STK32B: variants seen among roughly 807,000 people sequenced by gnomAD.
STK32B encodes serine/threonine-protein kinase 32B.
In STK32B, 43 loss-of-function variants were observed where a neutral mutation model predicts 52.6. That is an observed-to-expected ratio of 0.82 (90% CI 0.64 to 1.05). The LOEUF (loss-of-function observed/expected upper bound fraction) is 1.05. Ranked by LOEUF, STK32B falls within the 50% of genes least tolerant of loss-of-function variation. The probability of loss-of-function intolerance (pLI) is 0.00; values close to 1 mark genes in which losing one functional copy is unlikely to be tolerated. For synonymous variants in STK32B, 238 were observed against 204.3 expected (o/e 1.17, Z -1.41); for missense variants, 621 against 534.6 (o/e 1.16, Z -1.59).
intron 4 of STK32B, among the ~76,000 whole-genome samples, chr4:5,360,585 A>C (rs896442551): frequency 1.3e-5 from 2 of 152,154 alleles, no homozygotes; most frequent in African/African-American, 4.8e-5. Flanking sequence ...GGTACACAGC[A>C]TGTTTTATGG....
At chr4:5,208,470 A>G (rs992873943) in intron 3 of STK32B, among the ~76,000 whole-genome samples, 1 of 152,290 alleles carries the variant, frequency 6.6e-6, no homozygotes, top group Non-Finnish European at 1.5e-5. Flanking sequence ...TGTAGTTGTT[A>G]TGGCATTTGA....
chr4:5,496,032 G>T (rs566701374), intron 11 of STK32B, among the ~76,000 whole-genome samples: 361 of 152,342 alleles, frequency 2.4e-3, no homozygotes, highest in Non-Finnish European at 4.6e-3. Flanking sequence ...AGGGGTCAGG[G>T]ACCCACTTGA....
chr4:5,282,548 T>G lies in STK32B; in HGVS notation c.261-48672T>G, dbSNP rs79344072. ...TATCTTACTATGCTGTACTAATGCT[T>G]CTTCTTCTTCTTGTGGTGATGTGAG... On this transcript the variant is annotated intron_variant, in intron 3 of 11. Coordinates refer to ENST00000282908, the MANE Select transcript of STK32B (RefSeq NM_018401.3). 8.2e-4 allele frequency among the ~76,000 whole-genome samples: 124 copies of G among 150,834 alleles called. 2 individuals carry two copies. In the East Asian group the frequency reaches 0.017, roughly 20 times the overall value.
In STK32B at chr4:5,193,770, G is replaced by A. The variant is rs569141011; in HGVS notation, c.260+25320G>A. ...GGGCCATTGTTCCCAACAAATGTGC[G>A]AGGATTTCAGAGTGTTTGCTGATTC... On this transcript the variant is annotated intron_variant, in intron 3 of 11. Transcript: ENST00000282908. 1.9e-3 allele frequency among the ~76,000 whole-genome samples: 287 copies of A among 152,364 alleles called. 1 individual carries two copies. Among genetic ancestry groups the A allele is most frequent in the African/African-American group, 6.4e-3 (266 of 41,578 alleles).
chr4:5,305,994 T>C (rs994390678), intron 3 of STK32B, among the ~76,000 whole-genome samples: 2 of 152,200 alleles, frequency 1.3e-5, no homozygotes, highest in Admixed American at 1.3e-4. Flanking sequence ...TTATTTAATT[T>C]CCATGTATTT....
chr4:5,299,041 A>C (rs1729387260), intron 3 of STK32B, among the ~76,000 whole-genome samples: 1 of 151,870 alleles, frequency 6.6e-6, no homozygotes, highest in Admixed American at 6.6e-5. Flanking sequence ...TCCCTTGGCT[A>C]GGGGAGGGAG....
At chr4:5,325,797 T>C (rs1560321854) in intron 3 of STK32B, among the ~76,000 whole-genome samples, 1 of 152,200 alleles carries the variant, frequency 6.6e-6, no homozygotes, top group Non-Finnish European at 1.5e-5. Flanking sequence ...TCTCCATCAT[T>C]TCCATGACAA....
At chr4:5,190,546 G>T (rs974866073) in intron 3 of STK32B, among the ~76,000 whole-genome samples, 1 of 152,142 alleles carries the variant, frequency 6.6e-6, no homozygotes, top group Non-Finnish European at 1.5e-5. Flanking sequence ...TATGTACTGG[G>T]CACTGTCCTA....
intron 3 of STK32B, among the ~76,000 whole-genome samples, chr4:5,302,276 T>C (rs904859208): frequency 3.3e-5 from 5 of 151,992 alleles, no homozygotes; most frequent in Admixed American, 2.0e-4. Flanking sequence ...TTTTCCTCAT[T>C]TGTTTTATAT....
chr4:5,092,155 T>G (rs1713114212), intron 1 of STK32B, among the ~76,000 whole-genome samples: 1 of 152,206 alleles, frequency 6.6e-6, no homozygotes, highest in South Asian at 2.1e-4. Flanking sequence ...AATAGAGGTA[T>G]GGTTGCCCAA....
intron 3 of STK32B, among the ~76,000 whole-genome samples, chr4:5,250,003 C>G (rs1007313420): frequency 6.6e-6 from 1 of 151,036 alleles, no homozygotes; most frequent in Non-Finnish European, 1.5e-5. Context: ...TGAGAACATG[C>G]AGTATTTGGT....
intron 4 of STK32B, among the ~76,000 whole-genome samples, chr4:5,376,201 T>C (rs934728174): frequency 2.6e-5 from 4 of 152,170 alleles, no homozygotes; most frequent in Non-Finnish European, 5.9e-5. Context: ...GACCAGGTTC[T>C]CCATCTGCTT....
chr4:5,047,327 A>C (rs1368662296), upstream of STK32B, among the ~76,000 whole-genome samples: 3 of 136,372 alleles, frequency 2.2e-5, no homozygotes, highest in Admixed American at 1.5e-4. Flanking sequence ...AACATACACC[A>C]GGGCCTGTTG....
intron 11 of STK32B, among the ~76,000 whole-genome samples, chr4:5,478,870 C>A (rs941733677): frequency 6.6e-6 from 1 of 152,144 alleles, no homozygotes; most frequent in Non-Finnish European, 1.5e-5. Flanking sequence ...AGCTAGGGAA[C>A]CAGTGCCCAC....
chr4:5,246,361 G>C (rs548368170), intron 3 of STK32B, among the ~76,000 whole-genome samples: 1 of 152,020 alleles, frequency 6.6e-6, no homozygotes, highest in African/African-American at 2.4e-5. Context: ...CCAGTTGATC[G>C]CATTGGTTAC....
intron 11 of STK32B, among the ~76,000 whole-genome samples, chr4:5,473,476 C>G (rs1205097033): frequency 6.6e-6 from 1 of 152,268 alleles, no homozygotes; most frequent in African/African-American, 2.4e-5. Context: ...CTTATTCCCC[C>G]CCATTTCACA....
At chr4:5,337,600 C>T (rs936238962) in intron 4 of STK32B, among the ~76,000 whole-genome samples, 9 of 151,932 alleles carry the variant, frequency 5.9e-5, no homozygotes, top group East Asian at 3.9e-4. Flanking sequence ...TCAGAGACCC[C>T]GGGAGAGACT....
chr4:5,159,578 T>TGA (rs1364751052), intron 2 of STK32B, among the ~76,000 whole-genome samples: 463 of 22,202 alleles, frequency 0.021, 36 homozygotes, highest in African/African-American at 0.18. Flanking sequence ...TATATATGAA[T>TGA]ATATATATGA....
At chr4:5,402,802 A>T (rs577064221) in intron 5 of STK32B, among the ~76,000 whole-genome samples, 50 of 152,292 alleles carry the variant, frequency 3.3e-4, no homozygotes, top group African/African-American at 1.2e-3. Context: ...GCCAGGACAG[A>T]GCAAGCATGG....
Sources: allele counts gnomAD v4.1 joint callset (sites outside exome capture counted in the v4.1 genomes callset), GRCh38; gene constraint gnomAD v4.1.1; transcripts MANE v1.5; gene names NCBI Gene and HGNC (gene_info 2026-07-23, HGNC 2026-07-21).